The following MICAL3 variants were observed in gnomAD, a reference collection of about 807,000 sequenced individuals.
MICAL3 encodes [F-actin]-monooxygenase MICAL3.
Under a neutral mutation model 207.4 loss-of-function variants are expected in MICAL3, and 62 were observed. The observed-to-expected ratio is 0.30, with a 90% CI of 0.24 to 0.37. MICAL3 has a LOEUF of 0.37. Ranked by LOEUF, MICAL3 falls within the 10% of genes least tolerant of loss-of-function variation. The pLI, the probability that MICAL3 is intolerant of heterozygous loss-of-function variation, is 1.00. For missense variants in MICAL3, 2,368 were observed against 2,635.6 expected (o/e 0.90, Z 2.22); for synonymous variants, 1,077 against 1,069.3 (o/e 1.01, Z -0.14).
chr22:17,886,841 G>A (rs1478665386), intron 15 of MICAL3, among the ~76,000 whole-genome samples: 1 of 148,586 alleles, frequency 6.7e-6, no homozygotes, highest in Admixed American at 6.7e-5. Context: ...AATTAGCTGG[G>A]TGTGGTGGCA....
intron 16 of MICAL3, among the ~76,000 whole-genome samples, chr22:17,880,714 C>T (rs1409060806): frequency 1.3e-5 from 2 of 152,312 alleles, no homozygotes; most frequent in South Asian, 2.1e-4. Flanking sequence ...CTGTGCCTGG[C>T]GTGCAAGTGC....
At chr22:17,810,267 G>T (rs562946688) in intron 28 of MICAL3, among the ~76,000 whole-genome samples, 5 of 152,120 alleles carry the variant, frequency 3.3e-5, no homozygotes, top group East Asian at 3.9e-4. Context: ...GTTTCACCGT[G>T]TTAGCCAGGA....
At chr22:17,948,344 G>A (rs1569143266) in intron 1 of MICAL3, among the ~76,000 whole-genome samples, 1 of 152,202 alleles carries the variant, frequency 6.6e-6, no homozygotes, top group Non-Finnish European at 1.5e-5. Flanking sequence ...TCACTTTGGT[G>A]GACTCCACCT....
intron 19 of MICAL3, among the ~76,000 whole-genome samples, chr22:17,855,330 G>A (rs1925778654): frequency 6.6e-6 from 1 of 152,224 alleles, no homozygotes; most frequent in African/African-American, 2.4e-5. Context: ...AATGTCTTAA[G>A]AGGACTGTGA....
At position 17,902,809 on chromosome 22, in the gene MICAL3, C is replaced by T. The variant is rs1931430933; in HGVS notation, c.473-62G>A. 2 of 1,058,562 alleles carry T rather than the reference C, an allele frequency of 1.9e-6. No homozygotes were observed. The highest frequency in any genetic ancestry group is 2.8e-6 in the Non-Finnish European group (2 of 706,792). The allele number at this position is 1,058,562 out of a possible 1,614,324, so 65.6% of individuals were successfully genotyped here. A position where few individuals can be genotyped will look rare whatever the true frequency, so the allele number is the denominator to read the frequency against. On this transcript the variant is annotated intron_variant, in intron 3 of 31. Coordinates refer to ENST00000441493, the MANE Select transcript of MICAL3 (RefSeq NM_015241.3). The surrounding 1 kb of genome is among the most constrained non-coding windows in gnomAD (Gnocchi z 4.5). Reference sequence around the variant, plus strand: ...TGGAGAAGGGGGTACCCATCCGTGTCGCAGCTCAGGCTCCCACCCCGCCAC... The same window carrying T: ...TGGAGAAGGGGGTACCCATCCGTGTTGCAGCTCAGGCTCCCACCCCGCCAC...
At chr22:17,798,264 G>A (rs2061897714) in intron 29 of MICAL3, among the ~76,000 whole-genome samples, 1 of 152,208 alleles carries the variant, frequency 6.6e-6, no homozygotes, top group South Asian at 2.1e-4. Context: ...TTCAAGAGGT[G>A]GAGGCTGGCC....
chr22:18,018,946 C>T (rs1235761134), intron 1 of MICAL3, among the ~76,000 whole-genome samples: 1 of 152,154 alleles, frequency 6.6e-6, no homozygotes, highest in African/African-American at 2.4e-5. Flanking sequence ...AATACCAGTA[C>T]TTTGGGAGGC....
Position 17,893,976 on chromosome 22 carries a change from A to G in MICAL3, c.1450-72T>C, listed in dbSNP as rs978483450. 77 of 1,143,612 alleles carry G rather than the reference A, an allele frequency of 6.7e-5. No individual in the cohort carries two copies. In the East Asian group the frequency reaches 1.9e-3, roughly 29 times the overall value. The allele number at this position is 1,143,612 out of a possible 1,614,324, so 70.8% of individuals were successfully genotyped here. ...GTAACAAATTCCTACCTAAGAGCAG[A>G]ATGGCTGAAAGGAAAGTCTGGGATA... On this transcript the variant is annotated intron_variant, in intron 10 of 31. Coordinates refer to ENST00000441493, the MANE Select transcript of MICAL3 (RefSeq NM_015241.3).
chr22:17,875,548 G>A (rs1438843507), intron 16 of MICAL3: 2 of 1,547,420 alleles, frequency 1.3e-6, no homozygotes, highest in Non-Finnish European at 8.7e-7. Flanking sequence ...GGAGGTTCAG[G>A]CTCTGGCTAT....
rs148668916 is a variant in MICAL3, at chr22:17,842,481, C to A, written c.2606-464G>T. 191 of 178,446 alleles carry A rather than the reference C, an allele frequency of 1.1e-3. 1 individual carries two copies. Among genetic ancestry groups the A allele is most frequent in the African/African-American group, 4.3e-3 (184 of 42,812 alleles). The allele number at this position is 178,446 out of a possible 1,614,324, so 11.1% of individuals were successfully genotyped here. A position where few individuals can be genotyped will look rare whatever the true frequency, so the allele number is the denominator to read the frequency against. On this transcript the variant is annotated intron_variant, in intron 19 of 31. Transcript: ENST00000441493. ...GATCCAAGTCCCCACCAGGCACGTGCCCCACCACTGAGGGGGCCTGGCCAG... is the reference window on the plus strand; with the variant it reads ...GATCCAAGTCCCCACCAGGCACGTGACCCACCACTGAGGGGGCCTGGCCAG...
At chr22:17,920,877 A>G (rs1313225314) in intron 1 of MICAL3, among the ~76,000 whole-genome samples, 1 of 152,100 alleles carries the variant, frequency 6.6e-6, no homozygotes, top group Non-Finnish European at 1.5e-5. Context: ...AAGCCCCGAG[A>G]TTCCCAGTGT....
intron 1 of MICAL3, among the ~76,000 whole-genome samples, chr22:17,955,547 G>C (rs1022839266): frequency 6.6e-6 from 1 of 152,226 alleles, no homozygotes; most frequent in Admixed American, 6.5e-5. Flanking sequence ...CATCCAGAGA[G>C]AGCCCTGGCT....
chr22:17,914,722 T>C (rs921643447), intron 1 of MICAL3, among the ~76,000 whole-genome samples: 2 of 152,198 alleles, frequency 1.3e-5, no homozygotes, highest in East Asian at 1.9e-4. Context: ...TGGAGCCCTT[T>C]CCAAATGGCA....
At chr22:17,908,194 C>T (rs1054457209) in intron 1 of MICAL3, among the ~76,000 whole-genome samples, 4 of 152,252 alleles carry the variant, frequency 2.6e-5, no homozygotes, top group African/African-American at 4.8e-5. Context: ...TGAGCCCACA[C>T]AGCCAGACCC....
chr22:18,000,348 A>C (rs1289873418), intron 1 of MICAL3, among the ~76,000 whole-genome samples: 1 of 152,168 alleles, frequency 6.6e-6, no homozygotes, highest in Non-Finnish European at 1.5e-5. Flanking sequence ...ATTAAACACC[A>C]TTAAAAGAAC....
intron 1 of MICAL3, among the ~76,000 whole-genome samples, chr22:17,985,688 T>C (rs777049896): frequency 1.7e-4 from 26 of 152,062 alleles, no homozygotes; most frequent in Admixed American, 1.1e-3. Flanking sequence ...ACTTGACAAA[T>C]GGCAAAATCA....
intron 22 of MICAL3, among the ~76,000 whole-genome samples, chr22:17,827,052 GCCA>G (rs1325642776): frequency 2.0e-5 from 3 of 152,200 alleles, no homozygotes; most frequent in East Asian, 1.9e-4. Context: ...TGGCACAGCG[GCCA>G]CCACGTCCCT....
Position 17,899,487 on chromosome 22 carries a change from G to T in MICAL3, c.909C>A (p.Ala303=). ...CTTTGTCCAGCAAACTCTGCTTTTT[G>T]GCTGTCATAACGAAATAGTGTGTGT... ...KDDTHYFVMT[A]KKQSLLDKGV... Residue 303 remains alanine, a synonymous_variant, in exon 7 of 32, where the codon GCC becomes GCA. Coordinates refer to ENST00000441493, the MANE Select transcript of MICAL3 (RefSeq NM_015241.3). The T allele has an allele frequency of 6.2e-7, 1 of 1,610,336 alleles. No individual in the cohort carries two copies. Among genetic ancestry groups the T allele is most frequent in the Non-Finnish European group, 8.5e-7 (1 of 1,178,058 alleles).
chr22:17,813,423 C>A (rs1333822645), intron 27 of MICAL3: 1 of 152,244 alleles, frequency 6.6e-6, no homozygotes, highest in South Asian at 2.1e-4. Context: ...TTGTGCGGAG[C>A]TGTGCTTCCC....
Sources: allele counts gnomAD v4.1 joint callset (sites outside exome capture counted in the v4.1 genomes callset), GRCh38; gene constraint gnomAD v4.1.1; non-coding constraint Gnocchi (gnomAD v3.1); transcripts MANE v1.5; gene names NCBI Gene and HGNC (gene_info 2026-07-23, HGNC 2026-07-21).